CAB39: variants seen among roughly 807,000 people sequenced by gnomAD.
The protein encoded by CAB39 is calcium-binding protein 39.
In CAB39, 8 loss-of-function variants were observed where a neutral mutation model predicts 40.0. The observed-to-expected ratio is 0.20, with a 90% CI of 0.12 to 0.36. The LOEUF (loss-of-function observed/expected upper bound fraction) is 0.36, where lower values mean the gene tolerates loss of function less well. Among genes scored for constraint, CAB39 ranks in the 10% least tolerant of loss-of-function variants. The pLI is 1.00. For synonymous variants in CAB39, 156 were observed against 141.6 expected, an observed-to-expected ratio of 1.10 and a Z score of -0.72; for missense variants, 270 against 401.1, an observed-to-expected ratio of 0.67 and a Z score of 2.79.
intron 7 of CAB39, 43 bp from the exon 8 acceptor site, chr2:230,817,711 T>C: frequency 1.3e-6 from 2 of 1,483,772 alleles, no homozygotes; most frequent in Non-Finnish European, 1.8e-6. Context: ...TTGATTTTTC[T>C]TTAAGTTTTA....
At chr2:230,717,120 G>T (rs1694364380) in intron 1 of CAB39, among the ~76,000 whole-genome samples, 1 of 152,178 alleles carries the variant, frequency 6.6e-6, no homozygotes, top group South Asian at 2.1e-4. Flanking sequence ...AAATGGGACT[G>T]TGGAAGGTGG....
rs55722046 is a variant in CAB39, at chr2:230,761,888, T to TTTGTTGTTGTTG, written c.114+1797_114+1808dup. Among the ~76,000 whole-genome samples, 191 of 149,954 alleles carry TTTGTTGTTGTTG rather than the reference T, an allele frequency of 1.3e-3. 1 individual carries two copies. The highest frequency in any genetic ancestry group is 3.8e-3 in the African/African-American group (153 of 40,646). ...GGTACTGTTTTTTGTTTGTTTTTTA[T>TTTGTTGTTGTTG]TTGTTGTTGTTGTTGTTGTTGTTGT... On this transcript the variant is annotated intron_variant, in intron 2 of 8. Coordinates refer to ENST00000258418, the MANE Select transcript of CAB39 (RefSeq NM_016289.4).
rs545757031 is a variant in CAB39 at position 230,724,462 on chromosome 2, A to T, written c.-44+11232A>T. 3.0e-4 allele frequency among the ~76,000 whole-genome samples: 46 copies of T among 152,096 alleles called. 1 individual carries two copies. The highest frequency in any genetic ancestry group is 1.1e-3 in the African/African-American group (45 of 41,518). ...TTTGGGAGGCCGAGGTGGGCGGATCACCTGAGGTCAGGAGTTCGAGACCAG... is the reference window on the plus strand; with the variant it reads ...TTTGGGAGGCCGAGGTGGGCGGATCTCCTGAGGTCAGGAGTTCGAGACCAG... On this transcript the variant is annotated intron_variant, in intron 1 of 8. Coordinates refer to ENST00000258418, the MANE Select transcript of CAB39 (RefSeq NM_016289.4).
intron 5 of CAB39, among the ~76,000 whole-genome samples, chr2:230,799,475 T>C (rs148575576): frequency 4.1e-4 from 62 of 152,348 alleles, no homozygotes; most frequent in African/African-American, 1.4e-3. Context: ...CTCCCCCATC[T>C]ACCTTTCCTC....
chr2:230,773,658 A>C (rs1383625004), intron 2 of CAB39, among the ~76,000 whole-genome samples: 1 of 152,154 alleles, frequency 6.6e-6, no homozygotes, highest in Non-Finnish European at 1.5e-5. Flanking sequence ...GAATGACCTC[A>C]AGATGTGAGG....
At chr2:230,779,853 G>C (rs1442062787) in intron 2 of CAB39, among the ~76,000 whole-genome samples, 1 of 152,222 alleles carries the variant, frequency 6.6e-6, no homozygotes, top group African/African-American at 2.4e-5. Flanking sequence ...CCTGGATGCA[G>C]GAGCTCTTAA....
intron 2 of CAB39, among the ~76,000 whole-genome samples, chr2:230,771,919 A>G (rs544713709): frequency 1.3e-5 from 2 of 152,216 alleles, no homozygotes; most frequent in Admixed American, 6.5e-5. Context: ...ACCTCATACC[A>G]TATTTAAAAA....
intron 2 of CAB39, among the ~76,000 whole-genome samples, chr2:230,782,850 CCT>C (rs1353476990): frequency 4.0e-4 from 50 of 125,008 alleles, no homozygotes; most frequent in Middle Eastern, 4.5e-3. Flanking sequence ...AGGGAGTCTC[CCT>C]CTCTGTCGCC....
chr2:230,730,248 G>A (rs1386229667), intron 1 of CAB39, among the ~76,000 whole-genome samples: 1 of 152,032 alleles, frequency 6.6e-6, no homozygotes, highest in Non-Finnish European at 1.5e-5. Flanking sequence ...AGCTGGGACT[G>A]CAGGTGCACA....
At chr2:230,736,887 C>T (rs994615496) in intron 1 of CAB39, among the ~76,000 whole-genome samples, 24 of 152,240 alleles carry the variant, frequency 1.6e-4, no homozygotes, top group East Asian at 3.9e-4. Flanking sequence ...GGAAGTGGCC[C>T]TTTATAATGA....
At chr2:230,770,980 AGAC>A (rs1213738396) in intron 2 of CAB39, among the ~76,000 whole-genome samples, 1 of 152,234 alleles carries the variant, frequency 6.6e-6, no homozygotes, top group African/African-American at 2.4e-5. Flanking sequence ...GAGATCAAGA[AGAC>A]GACAGGGATA....
chr2:230,739,021 C>T (rs1389990968), intron 1 of CAB39, among the ~76,000 whole-genome samples: 5 of 152,120 alleles, frequency 3.3e-5, no homozygotes, highest in Admixed American at 6.5e-5. Flanking sequence ...GGCCTTTTCC[C>T]CATACTTGAA....
intron 2 of CAB39, among the ~76,000 whole-genome samples, chr2:230,779,742 G>A (rs961167336): frequency 2.6e-5 from 4 of 152,232 alleles, no homozygotes; most frequent in Admixed American, 2.6e-4. Flanking sequence ...TGAGAGGTAT[G>A]TGTGAAAGGT....
chr2:230,724,363 T>C (rs574662778), intron 1 of CAB39, among the ~76,000 whole-genome samples: 27 of 151,890 alleles, frequency 1.8e-4, no homozygotes, highest in African/African-American at 6.5e-4. Flanking sequence ...TTAGCACAGG[T>C]ATGTTAGCTG....
chr2:230,743,798 T>C (rs940609756), intron 1 of CAB39, among the ~76,000 whole-genome samples: 6 of 151,968 alleles, frequency 3.9e-5, no homozygotes, highest in Non-Finnish European at 8.8e-5. Context: ...AAAACAAATA[T>C]TAATATAAAG....
intron 1 of CAB39, among the ~76,000 whole-genome samples, chr2:230,717,162 AT>A (rs201849164): frequency 6.6e-6 from 1 of 151,444 alleles, no homozygotes; most frequent in African/African-American, 2.4e-5. Flanking sequence ...ACTGGTAAAC[AT>A]TTTTTTTTAC....
Position 230,767,123 on chromosome 2 carries a change from G to C in CAB39, c.114+7008G>C, listed in dbSNP as rs747956967. On this transcript the variant is annotated intron_variant, in intron 2 of 8. Transcript: ENST00000258418. ...ATCATGCTTAAAGCAATTCTATTCA[G>C]ATCACAGCAGGATAATTTTGAAGCT... Among the ~76,000 whole-genome samples, 64 of 152,260 alleles carry C rather than the reference G, an allele frequency of 4.2e-4. 1 individual carries two copies. Among genetic ancestry groups the C allele is most frequent in the Middle Eastern group, 3.4e-3 (1 of 294 alleles).
At chr2:230,755,058 T>TAC (rs1553670499) in intron 1 of CAB39, among the ~76,000 whole-genome samples, 6 of 152,140 alleles carry the variant, frequency 3.9e-5, no homozygotes, top group African/African-American at 1.4e-4. Flanking sequence ...TATATATACA[T>TAC]ACATACACAC....
rs1695441157 is a variant in CAB39, at chr2:230,769,202, G to C, written c.114+9087G>C. The stretch of plus-strand genomic sequence containing the variant: ...AAAGTAGGGGTGAAATGTTCCAACA[G>C]ATATAATAATTCTAAACATTTATGC... On this transcript the variant is annotated intron_variant, in intron 2 of 8. Transcript: ENST00000258418. Among the ~76,000 whole-genome samples, 2 of 152,176 alleles carry C rather than the reference G, an allele frequency of 1.3e-5. 1 individual carries two copies. The highest frequency in any genetic ancestry group is 4.1e-4 in the South Asian group (2 of 4,830).
Sources: allele counts gnomAD v4.1 joint callset (sites outside exome capture counted in the v4.1 genomes callset), GRCh38; gene constraint gnomAD v4.1.1; transcripts MANE v1.5; gene names NCBI Gene and HGNC (gene_info 2026-07-23, HGNC 2026-07-21).